RUNX1T1: variants seen among roughly 807,000 people sequenced by gnomAD.
RUNX1T1 encodes the protein protein CBFA2T1.
RUNX1T1 carries 4 observed loss-of-function variants against 62.8 expected under a neutral mutation model. The observed-to-expected ratio is 0.06, with a 90% CI of 0.03 to 0.15. RUNX1T1 has a LOEUF of 0.15. Among genes scored for constraint, RUNX1T1 ranks in the 10% least tolerant of loss-of-function variants. The probability of loss-of-function intolerance (pLI) is 1.00; values close to 1 mark genes in which losing one functional copy is unlikely to be tolerated. For missense variants in RUNX1T1, 508 were observed against 754.3 expected, an observed-to-expected ratio of 0.67 and a Z score of 3.82; for synonymous variants, 291 against 286.0, an observed-to-expected ratio of 1.02 and a Z score of -0.18.
At chr8:92,027,993 T>C (rs753799011) in intron 1 of RUNX1T1, among the ~76,000 whole-genome samples, 2 of 149,752 alleles carry the variant, frequency 1.3e-5, no homozygotes, top group African/African-American at 2.5e-5. Flanking sequence ...TTTCTCTGTT[T>C]TGTTAGCTCT....
At chr8:91,978,690 T>TGAGCC (rs1370193020) in intron 8 of RUNX1T1, among the ~76,000 whole-genome samples, 4 of 152,152 alleles carry the variant, frequency 2.6e-5, no homozygotes, top group Non-Finnish European at 4.4e-5. Context: ...AGATGACACT[T>TGAGCC]TCAAAAATTT....
Position 91,975,960 on chromosome 8 carries a change from T to A in RUNX1T1, c.1212A>T (p.Glu404Asp), listed in dbSNP as rs770867667. 115 of 1,612,770 alleles carry A rather than the reference T, an allele frequency of 7.1e-5. No individual in the cohort carries two copies. Among genetic ancestry groups the A allele is most frequent in the Non-Finnish European group, 8.3e-5 (98 of 1,178,894 alleles). ...ATCCAGACGCAGGCCTGTGAAGGAA[T>A]TCCCGATGCGCGTCTATGAAAAGGA... The change falls in exon 9 of 11, where the codon GAA becomes GAT. Residue 404 changes from glutamate to aspartate, a missense_variant. Physicochemically the swap from Glu to Asp is conservative, Grantham distance 45. Transcript: ENST00000396218.
chr8:92,036,592 T>C (rs1827459453), intron 1 of RUNX1T1, among the ~76,000 whole-genome samples: 1 of 152,158 alleles, frequency 6.6e-6, no homozygotes, highest in Admixed American at 6.5e-5. Context: ...TTGAATACCT[T>C]TCCTTTTCAG....
chr8:92,082,815 G>C (rs1471953850), intron 1 of RUNX1T1, among the ~76,000 whole-genome samples: 1 of 152,096 alleles, frequency 6.6e-6, no homozygotes, highest in Non-Finnish European at 1.5e-5. Flanking sequence ...GGAATGTCGG[G>C]GGAAGGGTCC....
At chr8:92,002,912 G>C (rs1586930340) in intron 5 of RUNX1T1, among the ~76,000 whole-genome samples, 1 of 152,000 alleles carries the variant, frequency 6.6e-6, no homozygotes, top group Non-Finnish European at 1.5e-5. Context: ...TATGCAAAAA[G>C]AAAAAATACT....
At chr8:92,047,840 A>T (rs956171044) in intron 1 of RUNX1T1, among the ~76,000 whole-genome samples, 4 of 152,054 alleles carry the variant, frequency 2.6e-5, no homozygotes, top group African/African-American at 9.7e-5. Flanking sequence ...AGGTTATTTT[A>T]GGACACCACA....
intron 10 of RUNX1T1, among the ~76,000 whole-genome samples, chr8:91,967,245 C>A (rs1001700621): frequency 2.0e-5 from 3 of 152,138 alleles, no homozygotes; most frequent in Non-Finnish European, 4.4e-5. Context: ...ATGCAACCTC[C>A]GATAACTTGG....
chr8:92,060,553 A>ATATATATGTGTGTG, intron 1 of RUNX1T1, among the ~76,000 whole-genome samples: 1 of 63,974 alleles, frequency 1.6e-5, no homozygotes, highest in African/African-American at 5.8e-5. Flanking sequence ...ATATATATAT[A>ATATATATGTGTGTG]TGTGTGTGTG....
chr8:91,970,456 C>A (rs1313421858), intron 10 of RUNX1T1, among the ~76,000 whole-genome samples: 1 of 152,120 alleles, frequency 6.6e-6, no homozygotes, highest in African/African-American at 2.4e-5. Context: ...ACATTCAAAA[C>A]CTTTTTTGGC....
At chr8:91,988,156 CAAAT>C (rs1484523370) in intron 6 of RUNX1T1, among the ~76,000 whole-genome samples, 1 of 151,908 alleles carries the variant, frequency 6.6e-6, no homozygotes, top group Non-Finnish European at 1.5e-5. Flanking sequence ...CTGATTTACA[CAAAT>C]AAAGATGAGT....
intron 5 of RUNX1T1, among the ~76,000 whole-genome samples, chr8:91,997,567 T>G (rs751685715): frequency 1.1e-4 from 16 of 152,234 alleles, no homozygotes; most frequent in Non-Finnish European, 2.1e-4. Context: ...ATTTCTCTTT[T>G]GCTTTCTGTA....
At chr8:92,028,328 G>A (rs1361203866) in intron 1 of RUNX1T1, among the ~76,000 whole-genome samples, 1 of 151,876 alleles carries the variant, frequency 6.6e-6, no homozygotes, top group Non-Finnish European at 1.5e-5. Flanking sequence ...CATGAAGTAA[G>A]GAAAGATCTG....
At chr8:91,998,270 T>TA (rs1819094213) in intron 5 of RUNX1T1, among the ~76,000 whole-genome samples, 2 of 152,164 alleles carry the variant, frequency 1.3e-5, no homozygotes. Context: ...CCAGCGTCCT[T>TA]AAAAAGAAAA....
intron 6 of RUNX1T1, among the ~76,000 whole-genome samples, chr8:91,990,481 C>T (rs963916835): frequency 4.6e-5 from 7 of 152,162 alleles, no homozygotes; most frequent in South Asian, 2.1e-4. Flanking sequence ...GAATTGAAGA[C>T]ATCCCAGTAA....
chr8:92,098,338 T>A (rs1228054550), intron 1 of RUNX1T1, among the ~76,000 whole-genome samples: 1 of 152,234 alleles, frequency 6.6e-6, no homozygotes, highest in East Asian at 1.9e-4. Flanking sequence ...TTCTCATGGA[T>A]ACAAAGCTGA....
intron 10 of RUNX1T1, among the ~76,000 whole-genome samples, chr8:91,962,614 C>A (rs1810745826): frequency 6.6e-6 from 1 of 152,238 alleles, no homozygotes; most frequent in Admixed American, 6.5e-5. Context: ...CAAACGTGGG[C>A]CTGGCCCACC....
At chr8:92,009,382 T>C (rs920663234) in intron 4 of RUNX1T1, among the ~76,000 whole-genome samples, 1 of 152,082 alleles carries the variant, frequency 6.6e-6, no homozygotes, top group African/African-American at 2.4e-5. Flanking sequence ...CCCACAACCA[T>C]ATGGTTTTTG....
rs1167380506 is a variant in RUNX1T1 at position 91,970,031 on chromosome 8, TG to T, written c.1458+626del. Among the ~76,000 whole-genome samples, 352 of 60,084 alleles carry T rather than the reference TG, an allele frequency of 5.9e-3. 3 individuals carry two copies. The highest frequency in any genetic ancestry group is 0.016 in the African/African-American group (295 of 18,166). The allele number at this position is 60,084 out of a possible 152,430, so 39.4% of individuals were successfully genotyped here. A position where few individuals can be genotyped will look rare whatever the true frequency, so the allele number is the denominator to read the frequency against. ...CATTTAGGCTAGCTGTGTGTGTGTGTGTGTGTGTGTGTTGTGTGTGTGTGTG... is the reference window on the plus strand; with the variant it reads ...CATTTAGGCTAGCTGTGTGTGTGTGTTGTGTGTGTGTTGTGTGTGTGTGTG... On this transcript the variant is annotated intron_variant, in intron 10 of 10. Transcript: ENST00000396218.
chr8:91,986,624 C>T (rs1341162474), intron 7 of RUNX1T1, among the ~76,000 whole-genome samples: 1 of 152,174 alleles, frequency 6.6e-6, no homozygotes, highest in South Asian at 2.1e-4. Flanking sequence ...AATTAAATGA[C>T]CTTTTCACAA....
Sources: allele counts gnomAD v4.1 joint callset (sites outside exome capture counted in the v4.1 genomes callset), GRCh38; gene constraint gnomAD v4.1.1; transcripts MANE v1.5; gene names NCBI Gene and HGNC (gene_info 2026-07-23, HGNC 2026-07-21).